The following PTPRD variants were observed in gnomAD, a reference collection of about 807,000 sequenced individuals.
The protein encoded by PTPRD is receptor-type tyrosine-protein phosphatase delta.
A neutral mutation model predicts 214.5 loss-of-function variants in PTPRD; 34 were observed. The observed-to-expected ratio is 0.16, with a 90% CI of 0.12 to 0.21. The LOEUF (loss-of-function observed/expected upper bound fraction) is 0.21. Ranked by LOEUF, PTPRD falls within the 10% of genes least tolerant of loss-of-function variation. The pLI, the probability that PTPRD is intolerant of heterozygous loss-of-function variation, is 1.00. For synonymous variants in PTPRD, 1,128 were observed against 845.7 expected (o/e 1.33, Z -5.79); for missense variants, 2,545 against 2,398.7 (o/e 1.06, Z -1.27).
At chr9:9,849,744 G>C (rs1050113368) in intron 5 of PTPRD, among the ~76,000 whole-genome samples, 1 of 152,124 alleles carries the variant, frequency 6.6e-6, no homozygotes, top group Non-Finnish European at 1.5e-5. Flanking sequence ...GTGCTAATTT[G>C]AGTGGACTTT....
chr9:10,511,401 C>G (rs1269723757), intron 2 of PTPRD, among the ~76,000 whole-genome samples: 11 of 151,732 alleles, frequency 7.2e-5, no homozygotes, highest in Non-Finnish European at 5.9e-5. Flanking sequence ...GTTGCCATTT[C>G]TCTTTATTTA....
intron 2 of PTPRD, among the ~76,000 whole-genome samples, chr9:10,394,957 C>CTTTCTTTTTT (rs2098139274): frequency 7.5e-6 from 1 of 133,198 alleles, no homozygotes; most frequent in Non-Finnish European, 1.6e-5. Flanking sequence ...TTTTCTTTTT[C>CTTTCTTTTTT]TTTTTTTTTT....
At chr9:8,443,993 G>A (rs1216046929) in intron 34 of PTPRD, among the ~76,000 whole-genome samples, 1 of 152,136 alleles carries the variant, frequency 6.6e-6, no homozygotes, top group Non-Finnish European at 1.5e-5. Context: ...GCCAGAGGGT[G>A]TCAAACCTTC....
At position 8,540,274 on chromosome 9, in the gene PTPRD, A is replaced by G. The variant is rs561897938; in HGVS notation, c.353-11495T>C. Among the ~76,000 whole-genome samples, 266 of 152,280 alleles carry G rather than the reference A, an allele frequency of 1.7e-3. 1 individual carries two copies. Among genetic ancestry groups the G allele is most frequent in the African/African-American group, 5.6e-3 (232 of 41,584 alleles). On this transcript the variant is annotated intron_variant, in intron 14 of 45. Transcript: ENST00000381196. Reference sequence around the variant, plus strand: ...CATTGCTTTCCCAATTGTGACAAACATTCTTAAATATATACTTTATTTGAG... The same window carrying G: ...CATTGCTTTCCCAATTGTGACAAACGTTCTTAAATATATACTTTATTTGAG...
At chr9:10,508,942 A>AT (rs1282092916) in intron 2 of PTPRD, among the ~76,000 whole-genome samples, 2 of 152,140 alleles carry the variant, frequency 1.3e-5, no homozygotes, top group Non-Finnish European at 2.9e-5. Flanking sequence ...TTAGAGTATA[A>AT]TAAAAAAATA....
chr9:8,326,532 T>G lies in PTPRD; in HGVS notation c.5534+5050A>C, dbSNP rs572692676. Among the ~76,000 whole-genome samples the G allele has an allele frequency of 3.6e-4, 54 of 151,154 alleles. 1 individual carries two copies. The highest frequency in any genetic ancestry group is 1.3e-3 in the African/African-American group (53 of 40,966). The stretch of plus-strand genomic sequence containing the variant: ...TCAGGGATATTGGCCTGGAATTTTC[T>G]TTTTTGTTGTGTCTCTGCCAGGTTT... On this transcript the variant is annotated intron_variant, in intron 44 of 45. Coordinates refer to ENST00000381196, the MANE Select transcript of PTPRD (RefSeq NM_002839.4).
chr9:9,846,246 C>T (rs549250967), intron 5 of PTPRD, among the ~76,000 whole-genome samples: 8 of 152,106 alleles, frequency 5.3e-5, no homozygotes, highest in Admixed American at 5.2e-4. Flanking sequence ...TAAAGCACTG[C>T]AGCAAGGGAT....
intron 9 of PTPRD, among the ~76,000 whole-genome samples, chr9:9,354,896 A>C (rs2053121635): frequency 6.6e-6 from 1 of 151,772 alleles, no homozygotes; most frequent in African/African-American, 2.4e-5. Flanking sequence ...AAGAGGCCTA[A>C]GGATAGTCCA....
intron 8 of PTPRD, among the ~76,000 whole-genome samples, chr9:9,496,689 T>C (rs1310995009): frequency 6.6e-6 from 1 of 152,196 alleles, no homozygotes; most frequent in African/African-American, 2.4e-5. Flanking sequence ...GACAGTGTTA[T>C]GGTTATTCTT....
chr9:8,735,149 T>G (rs1299728174), intron 11 of PTPRD, among the ~76,000 whole-genome samples: 3 of 138,766 alleles, frequency 2.2e-5, no homozygotes, highest in East Asian at 4.1e-4. Context: ...TTTTTTTTTT[T>G]CTGTTTTTTT....
chr9:10,453,995 T>C (rs1010945584), intron 2 of PTPRD, among the ~76,000 whole-genome samples: 1 of 151,666 alleles, frequency 6.6e-6, no homozygotes, highest in African/African-American at 2.4e-5. Flanking sequence ...TTTAAAGTTC[T>C]TTTGTGATTT....
At chr9:8,328,846 G>T (rs573125325) in intron 44 of PTPRD, among the ~76,000 whole-genome samples, 26 of 151,918 alleles carry the variant, frequency 1.7e-4, no homozygotes, top group Non-Finnish European at 2.8e-4. Flanking sequence ...TATGCTTCAC[G>T]AAGATCTTGT....
At chr9:9,593,254 G>A (rs1392133575) in intron 7 of PTPRD, among the ~76,000 whole-genome samples, 1 of 149,450 alleles carries the variant, frequency 6.7e-6, no homozygotes, top group African/African-American at 2.5e-5. Context: ...TTCTTGTACT[G>A]TGGATAGGTA....
intron 7 of PTPRD, among the ~76,000 whole-genome samples, chr9:9,645,921 TA>T (rs2154369361): frequency 6.6e-6 from 1 of 152,328 alleles, no homozygotes; most frequent in African/African-American, 2.4e-5. Context: ...TGTGGATACA[TA>T]CTAGTTGTAC....
chr9:9,361,660 T>G (rs184519523), intron 9 of PTPRD, among the ~76,000 whole-genome samples: 2 of 151,212 alleles, frequency 1.3e-5, no homozygotes, highest in African/African-American at 4.8e-5. Context: ...ATTTGAATTA[T>G]TCTCCTCTAG....
chr9:9,778,353 G>T (rs537240363), intron 5 of PTPRD, among the ~76,000 whole-genome samples: 26 of 152,272 alleles, frequency 1.7e-4, no homozygotes, highest in Admixed American at 6.5e-4. Context: ...ATGAATATGT[G>T]ATCTGGCAGG....
At chr9:8,886,884 A>G (rs1458710797) in intron 11 of PTPRD, among the ~76,000 whole-genome samples, 1 of 152,248 alleles carries the variant, frequency 6.6e-6, no homozygotes, top group African/African-American at 2.4e-5. Context: ...ATACACACAC[A>G]AACTGCATTT....
At chr9:9,158,569 C>A (rs1254803495) in intron 10 of PTPRD, among the ~76,000 whole-genome samples, 1 of 152,028 alleles carries the variant, frequency 6.6e-6, no homozygotes, top group Non-Finnish European at 1.5e-5. Flanking sequence ...CACTGCACTC[C>A]AGCCTGGGTG....
intron 5 of PTPRD, among the ~76,000 whole-genome samples, chr9:9,817,467 T>C (rs2049133615): frequency 6.6e-6 from 1 of 152,190 alleles, no homozygotes; most frequent in Non-Finnish European, 1.5e-5. Context: ...CCACTTTGAC[T>C]AACTACTCAA....
Sources: gnomAD v4.1 joint callset for allele counts (sites outside exome capture counted in the v4.1 genomes callset) on GRCh38, gnomAD v4.1.1 for gene constraint, MANE v1.5 for transcripts, NCBI Gene and HGNC (gene_info 2026-07-23, HGNC 2026-07-21) for gene names.